NLGN1: variants seen among roughly 807,000 people sequenced by gnomAD.
NLGN1 encodes neuroligin 1.
Under a neutral mutation model 65.5 loss-of-function variants are expected in NLGN1, and 12 were observed. That is an observed-to-expected ratio of 0.18 (90% confidence interval 0.12 to 0.30). The LOEUF (loss-of-function observed/expected upper bound fraction) is 0.30, where lower values mean the gene tolerates loss of function less well. Ranked by LOEUF, NLGN1 falls within the 10% of genes least tolerant of loss-of-function variation. NLGN1 has a pLI of 1.00. For missense variants in NLGN1, 750 were observed against 1,007.1 expected (o/e 0.74, Z 3.46); for synonymous variants, 350 against 359.5 (o/e 0.97, Z 0.30).
At chr3:174,220,567 C>A (rs1211875325) in intron 4 of NLGN1, among the ~76,000 whole-genome samples, 1 of 152,108 alleles carries the variant, frequency 6.6e-6, no homozygotes, top group Non-Finnish European at 1.5e-5. Context: ...ATGAATTGGG[C>A]ATGTGAAAAT....
At chr3:174,239,100 TA>T (rs1742316073) in intron 4 of NLGN1, among the ~76,000 whole-genome samples, 1 of 152,094 alleles carries the variant, frequency 6.6e-6, no homozygotes, top group African/African-American at 2.4e-5. Flanking sequence ...GATAGAGTTT[TA>T]CTCTTGTCAC....
intron 2 of NLGN1, among the ~76,000 whole-genome samples, chr3:173,545,384 T>A (rs1216587932): frequency 6.6e-6 from 1 of 151,906 alleles, no homozygotes; most frequent in Non-Finnish European, 1.5e-5. Flanking sequence ...CTCGGTAAAG[T>A]TTTTATTATC....
chr3:174,033,011 T>G (rs1303426531), intron 4 of NLGN1, among the ~76,000 whole-genome samples: 1 of 151,920 alleles, frequency 6.6e-6, no homozygotes, highest in African/African-American at 2.4e-5. Context: ...TCTATATATA[T>G]AGATCTATAT....
chr3:174,238,794 A>C (rs1044474928), intron 4 of NLGN1, among the ~76,000 whole-genome samples: 4 of 152,284 alleles, frequency 2.6e-5, no homozygotes, highest in Non-Finnish European at 4.4e-5. Flanking sequence ...TTTGTTTTCC[A>C]ATTCTTGTAG....
At chr3:174,167,119 T>C (rs1036125085) in intron 4 of NLGN1, among the ~76,000 whole-genome samples, 5 of 151,982 alleles carry the variant, frequency 3.3e-5, no homozygotes, top group Admixed American at 6.6e-5. Context: ...GAAAGATGAG[T>C]CTTGTTATTT....
chr3:173,808,717 C>G (rs141712041), intron 4 of NLGN1, among the ~76,000 whole-genome samples: 2 of 152,234 alleles, frequency 1.3e-5, no homozygotes, highest in Admixed American at 1.3e-4. Context: ...TAATTGTCCT[C>G]CAAGTCTTAT....
At chr3:174,022,228 A>G (rs1284246179) in intron 4 of NLGN1, among the ~76,000 whole-genome samples, 1 of 152,148 alleles carries the variant, frequency 6.6e-6, no homozygotes, top group Non-Finnish European at 1.5e-5. Context: ...TTCAGTCTGA[A>G]TAAAGCTGCT....
intron 4 of NLGN1, among the ~76,000 whole-genome samples, chr3:174,014,277 A>G (rs1726113583): frequency 6.6e-6 from 1 of 152,230 alleles, no homozygotes; most frequent in Admixed American, 6.5e-5. Context: ...CATCTGATTT[A>G]GCCCTTTTTT....
intron 4 of NLGN1, among the ~76,000 whole-genome samples, chr3:174,090,736 G>GT (rs1744347244): frequency 1.5e-5 from 2 of 136,068 alleles, no homozygotes; most frequent in African/African-American, 6.5e-5. Context: ...AGAAAACAAT[G>GT]ATTTTTTTTT....
intron 4 of NLGN1, among the ~76,000 whole-genome samples, chr3:173,980,951 C>T (rs1400454186): frequency 1.3e-5 from 2 of 151,968 alleles, no homozygotes; most frequent in Non-Finnish European, 2.9e-5. Context: ...CCAGACTTTC[C>T]CAATTATTTT....
At chr3:173,700,979 G>C (rs1053964286) in intron 3 of NLGN1, among the ~76,000 whole-genome samples, 1 of 152,060 alleles carries the variant, frequency 6.6e-6, no homozygotes, top group Non-Finnish European at 1.5e-5. Flanking sequence ...CAAAAAATTA[G>C]CTGGGCGTGG....
At position 173,860,600 on chromosome 3, in the gene NLGN1, G is replaced by T. The variant is rs1051454480; in HGVS notation, c.646+52768G>T. On this transcript the variant is annotated intron_variant, in intron 4 of 6. Coordinates refer to ENST00000457714, the Ensembl canonical transcript of NLGN1. Reference sequence around the variant, plus strand: ...GTCATCAGTAAATTAGTTAAAATACGTTTAAAAGAGCGAAGAAATTGCCCT... The same window carrying T: ...GTCATCAGTAAATTAGTTAAAATACTTTTAAAAGAGCGAAGAAATTGCCCT... Among the ~76,000 whole-genome samples the T allele has an allele frequency of 2.0e-5, 3 of 152,178 alleles. No homozygotes were observed. In the South Asian group the frequency reaches 6.2e-4, roughly 32 times the overall value.
intron 2 of NLGN1, among the ~76,000 whole-genome samples, chr3:173,451,991 G>C (rs1721634991): frequency 6.6e-6 from 1 of 152,208 alleles, no homozygotes; most frequent in South Asian, 2.1e-4. Flanking sequence ...GGAATTCCCT[G>C]ACCCCTTGTG....
At chr3:173,708,134 T>A (rs1768340434) in intron 3 of NLGN1, among the ~76,000 whole-genome samples, 1 of 152,204 alleles carries the variant, frequency 6.6e-6, no homozygotes, top group Non-Finnish European at 1.5e-5. Flanking sequence ...TATATAGTCC[T>A]GCCCCTAACG....
intron 4 of NLGN1, among the ~76,000 whole-genome samples, chr3:173,891,600 C>G (rs545929982): frequency 2.0e-5 from 3 of 152,174 alleles, no homozygotes; most frequent in Non-Finnish European, 2.9e-5. Flanking sequence ...AAACCTTAAA[C>G]TGTGAGGATG....
At chr3:173,891,575 A>G (rs1275232222) in intron 4 of NLGN1, among the ~76,000 whole-genome samples, 1 of 152,042 alleles carries the variant, frequency 6.6e-6, no homozygotes, top group Non-Finnish European at 1.5e-5. Context: ...ATGTTTTCCT[A>G]GCTGAGCCAT....
At chr3:173,651,330 TTA>T (rs1288169488) in intron 3 of NLGN1, among the ~76,000 whole-genome samples, 1 of 151,320 alleles carries the variant, frequency 6.6e-6, no homozygotes, top group East Asian at 1.9e-4. Flanking sequence ...TAATAAGTTG[TTA>T]TATATATATT....
intron 4 of NLGN1, among the ~76,000 whole-genome samples, chr3:174,236,344 A>G (rs995681473): frequency 6.6e-6 from 1 of 152,090 alleles, no homozygotes; most frequent in Non-Finnish European, 1.5e-5. Context: ...AAATGCTCAA[A>G]GCATTATATG....
intron 3 of NLGN1, among the ~76,000 whole-genome samples, chr3:173,683,104 C>A (rs1193733874): frequency 6.6e-6 from 1 of 152,082 alleles, no homozygotes; most frequent in Non-Finnish European, 1.5e-5. Context: ...TTAAATATTT[C>A]TTTCTCCCAT....
Sources: allele counts gnomAD v4.1 joint callset (sites outside exome capture counted in the v4.1 genomes callset), GRCh38; gene constraint gnomAD v4.1.1; transcripts MANE v1.5; gene names NCBI Gene and HGNC (gene_info 2026-07-23, HGNC 2026-07-21).